MORC2: variants seen among roughly 807,000 people sequenced by gnomAD.
MORC2 encodes ATPase MORC2.
A neutral mutation model predicts 136.0 loss-of-function variants in MORC2; 30 were observed. The ratio of observed to expected loss-of-function variants is 0.22; its 90% CI spans 0.17 to 0.30. The LOEUF (loss-of-function observed/expected upper bound fraction) is 0.30. MORC2 is among the 10% of genes least tolerant of loss of function. The pLI, the probability that MORC2 is intolerant of heterozygous loss-of-function variation, is 1.00. For synonymous variants in MORC2, 439 were observed against 487.0 expected, an observed-to-expected ratio of 0.90 and a Z score of 1.30; for missense variants, 922 against 1,333.1, an observed-to-expected ratio of 0.69 and a Z score of 4.80.
In MORC2 at chr22:30,932,269, G is replaced by GT. The variant is rs1241636837; in HGVS notation, c.2841+89dup. The GT allele has an allele frequency of 1.9e-5, 21 of 1,131,984 alleles. No homozygotes were observed. Among genetic ancestry groups the GT allele is most frequent in the South Asian group, 1.3e-4 (9 of 69,312 alleles). The allele number at this position is 1,131,984 out of a possible 1,614,324, so 70.1% of individuals were successfully genotyped here. The stretch of plus-strand genomic sequence containing the variant: ...CTGAGAGCTAGCAACTGCAACAAGC[G>GT]TAACAATCATAATCACAACAGTTAC... On this transcript the variant is annotated intron_variant, in intron 24 of 25. Coordinates refer to ENST00000397641, the MANE Select transcript of MORC2 (RefSeq NM_001303256.3). This position sits in a 1 kb window ranked among gnomAD's most constrained non-coding sequence, Gnocchi z 4.4.
Position 30,941,706 on chromosome 22 carries a change from G to A in MORC2, c.699-148C>T, listed in dbSNP as rs2040744315. On this transcript the variant is annotated intron_variant, in intron 8 of 25. Coordinates refer to ENST00000397641, the MANE Select transcript of MORC2 (RefSeq NM_001303256.3). This position sits in a 1 kb window ranked among gnomAD's most constrained non-coding sequence, Gnocchi z 4.6. ...CTGAACTGGTGCTCCCTTAGTGTGA[G>A]CACCACATCCCGCCCCTCTCACGTC... 3 of 1,283,066 alleles carry A rather than the reference G, an allele frequency of 2.3e-6. No individual in the cohort carries two copies. The Admixed American group carries it at 6.8e-5, about 29-fold the overall frequency. The allele number at this position is 1,283,066 out of a possible 1,614,324, so 79.5% of individuals were successfully genotyped here.
chr22:30,968,049 T>A lies in MORC2; in HGVS notation c.-160A>T. The A allele has an allele frequency of 1.7e-6, 1 of 573,912 alleles. No individual in the cohort carries two copies. The highest frequency in any genetic ancestry group is 3.1e-6 in the Non-Finnish European group (1 of 322,240). The allele number at this position is 573,912 out of a possible 1,614,324, so 35.6% of individuals were successfully genotyped here. ...TAGCTATCCAAAATATATGCAGAGATGTTTAAAACTACAATTTCTTCAAGT... is the reference window on the plus strand; with the variant it reads ...TAGCTATCCAAAATATATGCAGAGAAGTTTAAAACTACAATTTCTTCAAGT... On this transcript the variant is annotated 5_prime_UTR_variant, in exon 1 of 26. Coordinates refer to ENST00000397641, the MANE Select transcript of MORC2 (RefSeq NM_001303256.3).
Position 30,963,302 on chromosome 22 carries a change from A to T in MORC2, c.68+4520T>A, listed in dbSNP as rs552560185. Reference sequence around the variant, plus strand: ...AGAAATTCTTTTCTTCACAGACCTAAACATCCTTTGCATGTGATCCAAGAA... The same window carrying T: ...AGAAATTCTTTTCTTCACAGACCTATACATCCTTTGCATGTGATCCAAGAA... On this transcript the variant is annotated intron_variant, in intron 1 of 25. Coordinates refer to ENST00000397641, the MANE Select transcript of MORC2 (RefSeq NM_001303256.3). The T allele has an allele frequency of 1.0e-5, 10 of 984,382 alleles. 1 individual carries two copies. Among genetic ancestry groups the T allele is most frequent in the East Asian group, 2.3e-4 (2 of 8,758 alleles). The allele number at this position is 984,382 out of a possible 1,614,324, so 61.0% of individuals were successfully genotyped here.
At chr22:30,936,397 G>A (rs1032846725) in intron 17 of MORC2, 114 bp downstream of exon 17, 19 of 1,430,858 alleles carry the variant, frequency 1.3e-5, no homozygotes, top group Admixed American at 6.7e-5. Context: ...CAAACAACGC[G>A]GGTGAGTGGA....
rs758529949 is a variant in MORC2 at position 30,934,953 on chromosome 22, G to A, written c.2021C>T (p.Pro674Leu). ...GACGAGAGTGTTGGCAGGCTTTCGGGGTGCCTCAGGTGGCTGGAGCAGCCT... is the reference window on the plus strand; with the variant it reads ...GACGAGAGTGTTGGCAGGCTTTCGGAGTGCCTCAGGTGGCTGGAGCAGCCT... ...TSRLLQPPEA[P>L]RKPANTLVKT... Residue 674 changes from proline (P) to leucine (L), a missense_variant, in exon 19 of 26, where the codon CCC becomes CTC. Physicochemically the swap from Pro to Leu is moderately conservative, Grantham distance 98. Around this residue, in one of 9 missense-constraint regions of MORC2, gnomAD observed 184 missense variants for 180.3 expected, o/e 1.02. Coordinates refer to ENST00000397641, the MANE Select transcript of MORC2 (RefSeq NM_001303256.3). This position sits in a 1 kb window ranked among gnomAD's most constrained non-coding sequence, Gnocchi z 4.4. 13 of 1,614,090 alleles carry A rather than the reference G, an allele frequency of 8.1e-6. No individual in the cohort carries two copies. Among genetic ancestry groups the A allele is most frequent in the Non-Finnish European group, 1.0e-5 (12 of 1,180,022 alleles).
In MORC2 at chr22:30,933,137, C is replaced by T. The variant is rs1305586589; in HGVS notation, c.2381-107G>A. On this transcript the variant is annotated intron_variant, in intron 21 of 25. Coordinates refer to ENST00000397641, the MANE Select transcript of MORC2 (RefSeq NM_001303256.3). ...CCCCAGGGTTTGGAGGACAGGAACA[C>T]TTAGGTGCTTGCCCCCACTACACCA... The T allele has an allele frequency of 3.4e-6, 5 of 1,481,226 alleles. No individual in the cohort carries two copies. The African/African-American group carries it at 5.5e-5, about 16-fold the overall frequency. The allele number at this position is 1,481,226 out of a possible 1,614,324, so 91.8% of individuals were successfully genotyped here. A position where few individuals can be genotyped will look rare whatever the true frequency, so the allele number is the denominator to read the frequency against.
At chr22:30,940,860 T>G in intron 9 of MORC2, 23 bp from the exon 10 acceptor site, 4 of 1,607,534 alleles carry the variant, frequency 2.5e-6, no homozygotes, top group Non-Finnish European at 2.6e-6. Context: ...AAAAGCAAGC[T>G]GATGGCCCAC....
chr22:30,958,849 C>T (rs905337647), intron 1 of MORC2, 155 bp from the exon 2 acceptor site: 4 of 590,942 alleles, frequency 6.8e-6, no homozygotes, highest in Admixed American at 5.9e-5. Flanking sequence ...CCAGAGCTCC[C>T]CAACTCCCCT....
At position 30,935,017 on chromosome 22, in the gene MORC2, G is replaced by A. The variant is rs2040631723; in HGVS notation, c.1957C>T (p.Leu653Phe). The change falls in exon 19 of 26, where the codon CTC becomes TTC. Residue 653 changes from leucine (L) to phenylalanine (F), a missense_variant. Transcript: ENST00000397641. ...KAPVISSTPK[L>F]PALAAREEAS... ...TCCTCCCGGGCTGCCAAAGCAGGGA[G>A]CTTTGGGGTACTGCTGATGACAGGA... 1 of 1,614,118 alleles carries A rather than the reference G, an allele frequency of 6.2e-7. No homozygotes were observed. Among genetic ancestry groups the A allele is most frequent in the African/African-American group, 1.3e-5 (1 of 75,018 alleles).
intron 1 of MORC2, among the ~76,000 whole-genome samples, chr22:30,964,126 G>A (rs2041089810): frequency 6.6e-6 from 1 of 152,138 alleles, no homozygotes; most frequent in Admixed American, 6.5e-5. Flanking sequence ...GGGAGGCCGA[G>A]GCAGGCGGAT....
rs771884588 is a variant in MORC2 at position 30,941,524 on chromosome 22, C to T, written c.733G>A (p.Ala245Thr). ...ATCCGGGGATCAATATAGAGCACAG[C>T]GGCATAGGCACGGAACGAGCGCCGC... ...PERRSFRAYA[A>T]VLYIDPRMRI... The change falls in exon 9 of 26, where the codon GCT (alanine) becomes ACT (threonine). Residue 245 changes from alanine (A) to threonine (T), a missense_variant. Transcript: ENST00000397641. The surrounding 1 kb of genome is among the most constrained non-coding windows in gnomAD (Gnocchi z 4.6). 18 of 1,614,020 alleles carry T rather than the reference C, an allele frequency of 1.1e-5. No homozygotes were observed. Among genetic ancestry groups the T allele is most frequent in the Middle Eastern group, 1.6e-4 (1 of 6,062 alleles).
In MORC2 at chr22:30,968,472, G is replaced by A. The variant is rs140881012; in HGVS notation, c.-583C>T. The stretch of plus-strand genomic sequence containing the variant: ...GCTTCACCACCTCCCAAGTGAAAAA[G>A]CTCCTAGGCACTCACGATTTCTTTT... On this transcript the variant is annotated 5_prime_UTR_variant, in exon 1 of 26. Transcript: ENST00000397641. Among the ~76,000 whole-genome samples the A allele has an allele frequency of 0.012, 1,783 of 152,264 alleles. 38 individuals carry two copies. Among genetic ancestry groups the A allele is most frequent in the African/African-American group, 0.041 (1,699 of 41,548 alleles).
In MORC2 at chr22:30,942,192, G is replaced by C. The variant is rs1024657020; in HGVS notation, c.506C>G (p.Thr169Arg). ...TDNVEKFAIE[T>R]ELIYKYSPFR... is the part of the protein sequence containing the mutation. ...TGGAGAGTACTTATAGATGAGTTCTGTCTCAATGGCAAATTTCTCTACATT... is the reference window on the plus strand; with the variant it reads ...TGGAGAGTACTTATAGATGAGTTCTCTCTCAATGGCAAATTTCTCTACATT... The change falls in exon 7 of 26, where the codon ACA becomes AGA. Residue 169 changes from threonine to arginine, a missense_variant. Coordinates refer to ENST00000397641, the MANE Select transcript of MORC2 (RefSeq NM_001303256.3). 2.5e-6 allele frequency: 4 copies of C among 1,614,022 alleles called. No individual in the cohort carries two copies. In the African/African-American group the frequency reaches 4.0e-5, roughly 16 times the overall value.
In MORC2 at chr22:30,925,245, A is replaced by T. The variant is rs1262344571; in HGVS notation, c.*1558T>A. 9.8e-6 allele frequency: 3 copies of T among 305,628 alleles called. No homozygotes were observed. The highest frequency in any genetic ancestry group is 1.3e-3 in the Middle Eastern group (1 of 800). 18.9% of individuals were successfully genotyped at this position (305,628 alleles called of 1,614,324 possible). On this transcript the variant is annotated 3_prime_UTR_variant, in exon 26 of 26. Coordinates refer to ENST00000397641, the MANE Select transcript of MORC2 (RefSeq NM_001303256.3). ...TGGAACCAATTTGCATTTGGATTAA[A>T]ACATTAGGTTTGGGGACAAAAGTGG...
At chr22:30,957,090 A>G (rs1339446512) in intron 2 of MORC2, among the ~76,000 whole-genome samples, 1 of 152,226 alleles carries the variant, frequency 6.6e-6, no homozygotes, top group Non-Finnish European at 1.5e-5. Context: ...AGGATAAGCA[A>G]GAATATTTCC....
In MORC2 at chr22:30,936,616, CT is replaced by C; in HGVS notation, c.1631del (p.Lys544ArgfsTer11). ...DRCEASEQKQ[K>X]VPLGTFRKDM... ...CCTTTCTGAATGTTCCCAGGGGAACCTTCTGCTTTTGTTCAGAAGCCTCACA... is the reference window on the plus strand; with the variant it reads ...CCTTTCTGAATGTTCCCAGGGGAACCTCTGCTTTTGTTCAGAAGCCTCACA... On this transcript the variant is annotated frameshift_variant, in exon 17 of 26. Transcript: ENST00000397641. LOFTEE classifies it high-confidence loss of function. The C allele has an allele frequency of 6.2e-7, 1 of 1,614,144 alleles. No individual in the cohort carries two copies. The highest frequency in any genetic ancestry group is 1.1e-5 in the South Asian group (1 of 91,086).
Position 30,939,602 on chromosome 22 carries a change from G to T in MORC2, c.1073+19C>A. Reference sequence around the variant, plus strand: ...AGCTACGTCAGTTTAAAAGATCCAAGGACAGGCCTGGCACTCACCGCTGCT... The same window carrying T: ...AGCTACGTCAGTTTAAAAGATCCAATGACAGGCCTGGCACTCACCGCTGCT... On this transcript the variant is annotated intron_variant, in intron 12 of 25. Transcript: ENST00000397641. 6.2e-7 allele frequency: 1 copy of T among 1,611,908 alleles called. No individual in the cohort carries two copies.
At position 30,925,963 on chromosome 22, in the gene MORC2, C is replaced by T. The variant is rs1327180794; in HGVS notation, c.*840G>A. 3 of 152,658 alleles carry T rather than the reference C, an allele frequency of 2.0e-5. No homozygotes were observed. The highest frequency in any genetic ancestry group is 2.9e-5 in the Non-Finnish European group (2 of 68,246). 9.5% of individuals were successfully genotyped at this position (152,658 alleles called of 1,614,324 possible). A position where few individuals can be genotyped will look rare whatever the true frequency, so the allele number is the denominator to read the frequency against. On this transcript the variant is annotated 3_prime_UTR_variant, in exon 26 of 26. Coordinates refer to ENST00000397641, the MANE Select transcript of MORC2 (RefSeq NM_001303256.3). ...CAGATCAATTGGCACCATCCAAGGC[C>T]CTGCTGCACCCACACATGGAGGTCA...
rs1283813850 is a variant in MORC2 at position 30,936,918 on chromosome 22, G to C, written c.1604+14C>G. ...AAAAGTACCCACAATCCCCTTGTTAGACAATGTGCTCACCGGTCCTGTTCA... is the reference window on the plus strand; with the variant it reads ...AAAAGTACCCACAATCCCCTTGTTACACAATGTGCTCACCGGTCCTGTTCA... On this transcript the variant is annotated intron_variant, in intron 16 of 25. Coordinates refer to ENST00000397641, the MANE Select transcript of MORC2 (RefSeq NM_001303256.3). 3 of 1,606,750 alleles carry C rather than the reference G, an allele frequency of 1.9e-6. No individual in the cohort carries two copies. Among genetic ancestry groups the C allele is most frequent in the Non-Finnish European group, 2.6e-6 (3 of 1,173,592 alleles).
Sources: gnomAD v4.1 joint callset for allele counts (sites outside exome capture counted in the v4.1 genomes callset) on GRCh38, gnomAD v4.1.1 for gene constraint, gnomAD v4.1.1 regional missense constraint, Gnocchi (gnomAD v3.1) non-coding constraint, MANE v1.5 for transcripts, NCBI Gene and HGNC (gene_info 2026-07-23, HGNC 2026-07-21) for gene names.